The following NCKAP5 variants were observed in gnomAD, a reference collection of about 807,000 sequenced individuals.
The protein encoded by NCKAP5 is NCK associated protein 5, also known as nck-associated protein 5.
A neutral mutation model predicts 167.0 loss-of-function variants in NCKAP5; 92 were observed. That is an observed-to-expected ratio of 0.55 (90% CI 0.47 to 0.66). The LOEUF (loss-of-function observed/expected upper bound fraction) is 0.66. NCKAP5 is among the 30% of genes least tolerant of loss of function. The pLI is 0.00. For missense variants in NCKAP5, 2,378 were observed against 2,315.0 expected (o/e 1.03, Z -0.56); for synonymous variants, 891 against 877.4 (o/e 1.02, Z -0.27).
intron 11 of NCKAP5, among the ~76,000 whole-genome samples, chr2:132,830,343 C>T (rs1292000717): frequency 1.3e-5 from 2 of 151,892 alleles, no homozygotes; most frequent in Non-Finnish European, 2.9e-5. Context: ...GAGTAGTAAA[C>T]TGGCTCACTG....
chr2:132,970,130 G>A (rs2076789927), intron 7 of NCKAP5, among the ~76,000 whole-genome samples: 1 of 152,158 alleles, frequency 6.6e-6, no homozygotes, highest in Admixed American at 6.5e-5. Flanking sequence ...AGATAGACTA[G>A]CAGTTGGATT....
intron 11 of NCKAP5, among the ~76,000 whole-genome samples, chr2:132,846,236 T>C (rs1688651901): frequency 6.6e-6 from 1 of 152,202 alleles, no homozygotes; most frequent in Non-Finnish European, 1.5e-5. Context: ...TTTAATTTGA[T>C]ATAATGAATT....
Position 132,731,802 on chromosome 2 carries a change from T to C in NCKAP5, c.5378A>G (p.Asp1793Gly), listed in dbSNP as rs1291660761. ...ADSAIVHSTSDPIMTARGMRP... is the reference protein window; with the variant it reads ...ADSAIVHSTSGPIMTARGMRP... Reference sequence around the variant, plus strand: ...CATCCCTCTGGCGGTCATGATGGGGTCGGATGTGGAATGAACAATGGCGCT... The same window carrying C: ...CATCCCTCTGGCGGTCATGATGGGGCCGGATGTGGAATGAACAATGGCGCT... Residue 1793 changes from aspartate to glycine, a missense_variant, in exon 17 of 20, where the codon GAC (aspartate) becomes GGC (glycine). By Grantham distance (94) the Asp-to-Gly change is moderately conservative. This residue lies in a region of NCKAP5 where 1,325 missense variants were observed against 1,274.5 expected (regional missense o/e 1.04). Coordinates refer to ENST00000409261, the MANE Select transcript of NCKAP5 (RefSeq NM_207363.3). The C allele has an allele frequency of 3.7e-6, 6 of 1,613,356 alleles. No homozygotes were observed. The highest frequency in any genetic ancestry group is 2.2e-5 in the East Asian group (1 of 44,822).
intron 4 of NCKAP5, among the ~76,000 whole-genome samples, chr2:133,236,663 A>G (rs990811132): frequency 6.6e-6 from 1 of 152,244 alleles, no homozygotes; most frequent in African/African-American, 2.4e-5. Context: ...AAATCCATCA[A>G]AAGGCATTTG....
At chr2:132,850,357 G>A (rs1688981995) in intron 11 of NCKAP5, among the ~76,000 whole-genome samples, 1 of 152,048 alleles carries the variant, frequency 6.6e-6, no homozygotes, top group African/African-American at 2.4e-5. Context: ...TCCTTATGTA[G>A]GCCTGGGAAA....
intron 12 of NCKAP5, among the ~76,000 whole-genome samples, chr2:132,794,253 TATATATATATAG>T (rs1173502571): frequency 3.6e-4 from 20 of 55,138 alleles, no homozygotes; most frequent in East Asian, 1.4e-3. Flanking sequence ...TATATATATA[TATATATATATAG>T]AGAGAGAGAG....
intron 4 of NCKAP5, among the ~76,000 whole-genome samples, chr2:133,231,987 G>C (rs2087172260): frequency 6.6e-6 from 1 of 152,120 alleles, no homozygotes; most frequent in Admixed American, 6.5e-5. Context: ...GGTACAGAAA[G>C]GACACACTTT....
intron 11 of NCKAP5, among the ~76,000 whole-genome samples, chr2:132,820,235 G>GTT (rs148018470): frequency 6.7e-5 from 10 of 148,208 alleles, no homozygotes; most frequent in South Asian, 2.2e-4. Flanking sequence ...TTTTGTTTTT[G>GTT]TTTTTTTTTT....
chr2:132,951,317 A>C (rs1251627198), intron 8 of NCKAP5, among the ~76,000 whole-genome samples: 2 of 151,988 alleles, frequency 1.3e-5, no homozygotes. Context: ...TTAAGCAGCC[A>C]AGGATGTTTA....
intron 3 of NCKAP5, among the ~76,000 whole-genome samples, chr2:133,395,021 C>T (rs1411259042): frequency 6.6e-6 from 1 of 152,176 alleles, no homozygotes; most frequent in African/African-American, 2.4e-5. Flanking sequence ...TAGTAAATAT[C>T]CCCTAAATGT....
At chr2:132,967,742 C>T (rs894667715) in intron 7 of NCKAP5, among the ~76,000 whole-genome samples, 2 of 152,072 alleles carry the variant, frequency 1.3e-5, no homozygotes, top group Admixed American at 6.5e-5. Context: ...TCCTATATTC[C>T]ATGAAATTAT....
chr2:132,798,852 T>C (rs1333139093), intron 11 of NCKAP5, among the ~76,000 whole-genome samples: 1 of 152,060 alleles, frequency 6.6e-6, no homozygotes, highest in African/African-American at 2.4e-5. Context: ...AAAAGAAAGA[T>C]GGAAAAACTT....
the NCKAP5 span, among the ~76,000 whole-genome samples, chr2:133,649,975 A>T: frequency 2.0e-5 from 3 of 152,188 alleles, no homozygotes. Flanking sequence ...CACCAAAAAA[A>T]ATAAATAAAT....
chr2:133,225,034 C>T (rs2086820345), intron 4 of NCKAP5, among the ~76,000 whole-genome samples: 1 of 152,168 alleles, frequency 6.6e-6, no homozygotes, highest in African/African-American at 2.4e-5. Context: ...GCCTCTGCAA[C>T]CCCACTTTGC....
At chr2:133,010,220 CTTA>C (rs759419767) in intron 6 of NCKAP5, among the ~76,000 whole-genome samples, 2 of 152,100 alleles carry the variant, frequency 1.3e-5, no homozygotes, top group Non-Finnish European at 2.9e-5. Context: ...TTTTAAATTG[CTTA>C]TTATGATTTT....
Position 132,896,218 on chromosome 2 carries a change from G to A in NCKAP5, c.580-17302C>T, listed in dbSNP as rs72850150. ...AGCGTTCTGAACTTTCAATTGTTTT[G>A]TCATAATGAAATTACGTGAAAATGA... is the stretch of plus-strand genomic sequence containing the variant. On this transcript the variant is annotated intron_variant, in intron 8 of 19. Transcript: ENST00000409261. Among the ~76,000 whole-genome samples, 1,215 of 152,300 alleles carry A rather than the reference G, an allele frequency of 8.0e-3. 8 individuals are homozygous for A. Among genetic ancestry groups the A allele is most frequent in the Middle Eastern group, 0.014 (4 of 294 alleles).
chr2:133,111,094 A>C (rs1302080879), intron 6 of NCKAP5, among the ~76,000 whole-genome samples: 1 of 152,110 alleles, frequency 6.6e-6, no homozygotes, highest in Non-Finnish European at 1.5e-5. Flanking sequence ...ATCTCCAAAT[A>C]CAGTCACATC....
chr2:133,331,799 G>A (rs145580432), intron 3 of NCKAP5, among the ~76,000 whole-genome samples: 22 of 152,314 alleles, frequency 1.4e-4, no homozygotes, highest in East Asian at 3.9e-4. Flanking sequence ...GGAGCACAAC[G>A]CACTGCCACA....
the NCKAP5 span, among the ~76,000 whole-genome samples, chr2:133,582,643 C>CA: frequency 6.6e-6 from 1 of 152,170 alleles, no homozygotes; most frequent in Non-Finnish European, 1.5e-5. Flanking sequence ...AAAGTGTTTC[C>CA]AAGGGGCAGA....
Sources: gnomAD v4.1 joint callset for allele counts (sites outside exome capture counted in the v4.1 genomes callset) on GRCh38, gnomAD v4.1.1 for gene constraint, gnomAD v4.1.1 regional missense constraint, MANE v1.5 for transcripts, NCBI Gene and HGNC (gene_info 2026-07-23, HGNC 2026-07-21) for gene names.